The following RPH3AL variants were observed in gnomAD, a reference collection of about 807,000 sequenced individuals.
The protein encoded by RPH3AL is rabphilin 3A like (without C2 domains).
RPH3AL carries 38 observed loss-of-function variants against 43.1 expected under a neutral mutation model. The ratio of observed to expected loss-of-function variants is 0.88; its 90% CI spans 0.68 to 1.15. The LOEUF (loss-of-function observed/expected upper bound fraction) is 1.15, where lower values mean the gene tolerates loss of function less well. Among genes scored for constraint, RPH3AL ranks in the 50% most tolerant of loss-of-function variants. The probability of loss-of-function intolerance (pLI) is 0.00; values close to 1 mark genes in which losing one functional copy is unlikely to be tolerated. For missense variants in RPH3AL, 462 were observed against 423.2 expected, an observed-to-expected ratio of 1.09 and a Z score of -0.81; for synonymous variants, 189 against 176.3, an observed-to-expected ratio of 1.07 and a Z score of -0.57.
chr17:292,837 C>A (rs564166488), intron 5 of RPH3AL, among the ~76,000 whole-genome samples: 1 of 152,232 alleles, frequency 6.6e-6, no homozygotes, highest in African/African-American at 2.4e-5. Context: ...GGGAGCACGC[C>A]GAGCCCTGGA....
At chr17:229,142 G>C (rs562251367) in intron 7 of RPH3AL, among the ~76,000 whole-genome samples, 1 of 152,078 alleles carries the variant, frequency 6.6e-6, no homozygotes, top group African/African-American at 2.4e-5. Flanking sequence ...CAATCCTCAC[G>C]GGCAAAATGC....
intron 7 of RPH3AL, among the ~76,000 whole-genome samples, chr17:226,935 C>A (rs1013842945): frequency 5.9e-5 from 9 of 152,198 alleles, no homozygotes; most frequent in Admixed American, 5.9e-4. Flanking sequence ...GATGGCTCAC[C>A]GACGAGCCCT....
chr17:332,897 TA>T, intron 2 of RPH3AL: 1 of 744,218 alleles, frequency 1.3e-6, no homozygotes, highest in Non-Finnish European at 1.9e-6. Context: ...GGAACCCTTG[TA>T]AAACCCCGCA....
intron 7 of RPH3AL, 152 bp from the exon 8 acceptor site, chr17:219,888 C>T: frequency 1.6e-6 from 1 of 618,128 alleles, no homozygotes; most frequent in Non-Finnish European, 2.9e-6. Flanking sequence ...AAATAATGGC[C>T]TGGGGATGGG....
At chr17:352,494 G>A (rs984054127) in intron 1 of RPH3AL, 3 of 151,952 alleles carry the variant, frequency 2.0e-5, no homozygotes, top group Admixed American at 6.5e-5. Context: ...CTCCAGCCCC[G>A]GCTGCCTCTT....
rs898107366 is a variant in RPH3AL, at chr17:225,600, C to T, written c.614-5864G>A. ...TTAGAGGCCTGTGGCTCACACTTCCCGGGAGCAGGGAGGTGTCCAGCAGGA... is the reference window on the plus strand; with the variant it reads ...TTAGAGGCCTGTGGCTCACACTTCCTGGGAGCAGGGAGGTGTCCAGCAGGA... On this transcript the variant is annotated intron_variant, in intron 7 of 9. Coordinates refer to ENST00000331302, the MANE Select transcript of RPH3AL (RefSeq NM_006987.4). This position sits in a 1 kb window ranked among gnomAD's most constrained non-coding sequence, Gnocchi z 4.4. Among the ~76,000 whole-genome samples, 5 of 152,252 alleles carry T rather than the reference C, an allele frequency of 3.3e-5. No individual in the cohort carries two copies. The highest frequency in any genetic ancestry group is 7.2e-5 in the African/African-American group (3 of 41,546).
chr17:314,310 T>A (rs1409679854), intron 5 of RPH3AL, among the ~76,000 whole-genome samples: 1 of 151,802 alleles, frequency 6.6e-6, no homozygotes, highest in Non-Finnish European at 1.5e-5. Flanking sequence ...GCTGTGGGGT[T>A]GAGAGACAGG....
Position 326,225 on chromosome 17 carries a change from A to G in RPH3AL, c.77+1242T>C, listed in dbSNP as rs145088184. On this transcript the variant is annotated intron_variant, in intron 3 of 9. Coordinates refer to ENST00000331302, the MANE Select transcript of RPH3AL (RefSeq NM_006987.4). ...CCCTCCTGGCGAAGGGGACCAGTTA[A>G]CTGTGGTGCAGATTCCTGCAAATCA... Among the ~76,000 whole-genome samples the G allele has an allele frequency of 5.9e-5, 9 of 152,292 alleles. No individual in the cohort carries two copies. The South Asian group carries it at 1.4e-3, about 25-fold the overall frequency.
intron 5 of RPH3AL, among the ~76,000 whole-genome samples, chr17:312,331 C>T (rs1278031807): frequency 1.3e-5 from 2 of 152,054 alleles, no homozygotes; most frequent in African/African-American, 2.4e-5. Flanking sequence ...GGAGGAGAGA[C>T]TAGAGCCCTC....
rs1431259668 is a variant in RPH3AL at position 328,171 on chromosome 17, C to G, written c.-36-592G>C. Among the ~76,000 whole-genome samples the G allele has an allele frequency of 6.6e-6, 1 of 151,952 alleles. No individual in the cohort carries two copies. The highest frequency in any genetic ancestry group is 1.5e-5 in the Non-Finnish European group (1 of 67,978). The stretch of plus-strand genomic sequence containing the variant: ...CAAGGGGAGCCGTCCATAGACACTG[C>G]CATGAAAATGGCACCTGGGGATCCC... On this transcript the variant is annotated intron_variant, in intron 2 of 9. Coordinates refer to ENST00000331302, the MANE Select transcript of RPH3AL (RefSeq NM_006987.4). The surrounding 1 kb of genome is among the most constrained non-coding windows in gnomAD (Gnocchi z 4.2).
chr17:222,103 C>T (rs1224445312), intron 7 of RPH3AL, among the ~76,000 whole-genome samples: 1 of 152,274 alleles, frequency 6.6e-6, no homozygotes, highest in Non-Finnish European at 1.5e-5. Flanking sequence ...CTCGCTGAGA[C>T]AAGGCCCAAG....
At chr17:253,045 C>G (rs1196404370) in intron 6 of RPH3AL, among the ~76,000 whole-genome samples, 2 of 152,176 alleles carry the variant, frequency 1.3e-5, no homozygotes, top group Admixed American at 6.5e-5. Flanking sequence ...GGGTGGGGAC[C>G]TCGGCTTACA....
chr17:315,054 C>T (rs376938153), intron 5 of RPH3AL, among the ~76,000 whole-genome samples: 2,794 of 76,178 alleles, frequency 0.037, 44 homozygotes, highest in Middle Eastern at 0.052. Flanking sequence ...TCCACCTCCA[C>T]TGAACTGTAG....
At chr17:315,683 G>T (rs558050163) in intron 5 of RPH3AL, among the ~76,000 whole-genome samples, 1 of 145,458 alleles carries the variant, frequency 6.9e-6, no homozygotes, top group African/African-American at 2.5e-5. Flanking sequence ...TAGTCCCTGT[G>T]ACCCCACCTC....
rs1323223208 is a variant in RPH3AL, at chr17:272,935, AG to A, written c.438+8832del. On this transcript the variant is annotated intron_variant, in intron 6 of 9. Coordinates refer to ENST00000331302, the MANE Select transcript of RPH3AL (RefSeq NM_006987.4). ...GTGAGATCCCAGCAAGGGCGACATCAGGGAGAGACCCCAGCAAGGGCTACGT... is the reference window on the plus strand; with the variant it reads ...GTGAGATCCCAGCAAGGGCGACATCAGGAGAGACCCCAGCAAGGGCTACGT... Among the ~76,000 whole-genome samples the A allele has an allele frequency of 5.5e-5, 8 of 144,486 alleles. 1 individual carries two copies. The highest frequency in any genetic ancestry group is 4.2e-4 in the East Asian group (2 of 4,744). The allele number at this position is 144,486 out of a possible 152,430, so 94.8% of individuals were successfully genotyped here.
chr17:266,829 G>A (rs2042336447), intron 6 of RPH3AL, among the ~76,000 whole-genome samples: 1 of 152,260 alleles, frequency 6.6e-6, no homozygotes, highest in African/African-American at 2.4e-5. Flanking sequence ...GCCGGGGACT[G>A]GCTCCTGTGA....
chr17:351,579 CCTCT>C (rs1485835718), intron 1 of RPH3AL, among the ~76,000 whole-genome samples: 6 of 152,274 alleles, frequency 3.9e-5, no homozygotes, highest in African/African-American at 1.4e-4. Flanking sequence ...CTTCCATGAG[CCTCT>C]CTTTTTCTTG....
chr17:226,186 G>C (rs2041103143), intron 7 of RPH3AL, among the ~76,000 whole-genome samples: 1 of 152,238 alleles, frequency 6.6e-6, no homozygotes, highest in South Asian at 2.1e-4. Flanking sequence ...CAGTCACCTT[G>C]TTCTTCATCT....
chr17:261,401 C>T (rs1188230437), intron 6 of RPH3AL, among the ~76,000 whole-genome samples: 1 of 152,202 alleles, frequency 6.6e-6, no homozygotes, highest in African/African-American at 2.4e-5. Flanking sequence ...CAGCTGCAAG[C>T]CAGAAAGAGA....
Sources: gnomAD v4.1 joint callset for allele counts (sites outside exome capture counted in the v4.1 genomes callset) on GRCh38, gnomAD v4.1.1 for gene constraint, Gnocchi (gnomAD v3.1) non-coding constraint, MANE v1.5 for transcripts, NCBI Gene and HGNC (gene_info 2026-07-23, HGNC 2026-07-21) for gene names.